The following SNED1 variants were observed in gnomAD, a reference collection of about 807,000 sequenced individuals.
SNED1 encodes sushi, nidogen and EGF-like domain-containing protein 1.
A neutral mutation model predicts 166.7 loss-of-function variants in SNED1; 81 were observed. The observed-to-expected ratio is 0.49, with a 90% CI of 0.41 to 0.58. The LOEUF is 0.58. Among genes scored for constraint, SNED1 ranks in the 20% least tolerant of loss-of-function variants. The probability of loss-of-function intolerance (pLI) is 0.00; values close to 1 mark genes in which losing one functional copy is unlikely to be tolerated. For missense variants in SNED1, 1,604 were observed against 2,000.2 expected, an observed-to-expected ratio of 0.80 and a Z score of 3.78; for synonymous variants, 762 against 822.0, an observed-to-expected ratio of 0.93 and a Z score of 1.25.
intron 8 of SNED1, among the ~76,000 whole-genome samples, chr2:241,045,505 T>C (rs2061622104): frequency 6.6e-6 from 1 of 152,086 alleles, no homozygotes; most frequent in South Asian, 2.1e-4. Context: ...CAAACAAATA[T>C]AGCCAATTAA....
chr2:241,044,376 A>G (rs542696812), intron 8 of SNED1, among the ~76,000 whole-genome samples: 7 of 152,364 alleles, frequency 4.6e-5, no homozygotes, highest in African/African-American at 1.7e-4. Flanking sequence ...TGAAAAAGAT[A>G]GAGTAAGCAC....
At chr2:241,089,442 C>T (rs563633880) in intron 31 of SNED1, 1 of 1,546,552 alleles carries the variant, frequency 6.5e-7, no homozygotes, top group South Asian at 1.2e-5. Context: ...CAGATATAGG[C>T]TCACACACAC....
chr2:241,020,610 G>A (rs1404213930), intron 1 of SNED1, among the ~76,000 whole-genome samples: 1 of 152,164 alleles, frequency 6.6e-6, no homozygotes, highest in Non-Finnish European at 1.5e-5. Flanking sequence ...GCCCTTATGT[G>A]ATCAAGTTTA....
At chr2:241,074,460 T>C (rs1419720802) in intron 27 of SNED1, 1 of 152,108 alleles carries the variant, frequency 6.6e-6, no homozygotes, top group Non-Finnish European at 1.5e-5. Context: ...AACAAACATT[T>C]CATCAGATGA....
intron 16 of SNED1, among the ~76,000 whole-genome samples, chr2:241,058,615 A>G (rs1447547353): frequency 6.6e-6 from 1 of 152,254 alleles, no homozygotes; most frequent in Non-Finnish European, 1.5e-5. Context: ...AGACAGATAC[A>G]GAGAAAGATC....
At chr2:241,004,457 TTTC>T (rs990522355) in intron 1 of SNED1, among the ~76,000 whole-genome samples, 4 of 152,168 alleles carry the variant, frequency 2.6e-5, no homozygotes, top group African/African-American at 7.2e-5. Context: ...TTCTCTATAG[TTTC>T]TTCTTTTGGA....
rs1260048595 is a variant in SNED1 at position 241,064,811 on chromosome 2, C to T, written c.2600-33C>T. On this transcript the variant is annotated intron_variant, in intron 19 of 31. Coordinates refer to ENST00000310397, the MANE Select transcript of SNED1 (RefSeq NM_001080437.3). This position sits in a 1 kb window ranked among gnomAD's most constrained non-coding sequence, Gnocchi z 7.0. ...CTGGAGCAGGGACCCCTGGCCACGC[C>T]CCAACATACACTGCCACTTTTTCTC... 5.3e-6 allele frequency: 8 copies of T among 1,496,764 alleles called. No homozygotes were observed. The highest frequency in any genetic ancestry group is 7.2e-6 in the Non-Finnish European group (8 of 1,112,120). 92.7% of individuals were successfully genotyped at this position (1,496,764 alleles called of 1,614,324 possible). A position where few individuals can be genotyped will look rare whatever the true frequency, so the allele number is the denominator to read the frequency against.
At chr2:241,031,642 C>G (rs1036235854) in intron 2 of SNED1, among the ~76,000 whole-genome samples, 1 of 152,220 alleles carries the variant, frequency 6.6e-6, no homozygotes, top group African/African-American at 2.4e-5. Context: ...CTCCTCATTG[C>G]GCCTCTCGGC....
chr2:241,070,371 C>A (rs1028483749), intron 24 of SNED1, among the ~76,000 whole-genome samples, 170 bp downstream of exon 24: 1 of 152,186 alleles, frequency 6.6e-6, no homozygotes, highest in Admixed American at 6.5e-5. Flanking sequence ...CTTTTCAAAC[C>A]CACAAGGAAA....
intron 20 of SNED1, 140 bp from the exon 21 acceptor site, chr2:241,065,159 C>A: frequency 1.1e-6 from 1 of 924,444 alleles, no homozygotes; most frequent in Non-Finnish European, 1.6e-6. Context: ...AGGTACGTGG[C>A]CAGGGACAAA....
Position 241,064,345 on chromosome 2 carries a change from C to T in SNED1, c.2599+220C>T, listed in dbSNP as rs1168616595. Among the ~76,000 whole-genome samples the T allele has an allele frequency of 6.6e-6, 1 of 152,010 alleles. No individual in the cohort carries two copies. The highest frequency in any genetic ancestry group is 2.4e-5 in the African/African-American group (1 of 41,374). On this transcript the variant is annotated intron_variant, in intron 19 of 31. Transcript: ENST00000310397. The surrounding 1 kb of genome is among the most constrained non-coding windows in gnomAD (Gnocchi z 7.0). The stretch of plus-strand genomic sequence containing the variant: ...CTTCTAAACCTCCCCATCTCCTGCG[C>T]TCACCCCCCAGACACCCCTCTTCAC...
intron 1 of SNED1, among the ~76,000 whole-genome samples, chr2:241,003,124 C>G (rs1342731642): frequency 6.6e-6 from 1 of 151,322 alleles, no homozygotes; most frequent in Non-Finnish European, 1.5e-5. Flanking sequence ...CCGCCCTCCC[C>G]CGGGCCCCCC....
intron 26 of SNED1, chr2:241,072,555 C>G (rs115679838): frequency 2.9e-5 from 9 of 305,450 alleles, no homozygotes; most frequent in African/African-American, 8.9e-5. Flanking sequence ...GTTTAATGAA[C>G]ACGCTCTGAG....
intron 22 of SNED1, 45 bp downstream of exon 22, chr2:241,067,992 G>A (rs761029558): frequency 3.2e-6 from 5 of 1,551,162 alleles, no homozygotes; most frequent in Non-Finnish European, 4.4e-6. Context: ...GAAGGCAGGG[G>A]TGGGGGCTCG....
chr2:241,013,761 A>C lies in SNED1; in HGVS notation c.213+14711A>C, dbSNP rs189816269. ...AAATGGCAGGATCCCTCTCTTTGTC[A>C]TGGCTGAATAATATTCCCTTGTGTG... is the stretch of plus-strand genomic sequence containing the variant. On this transcript the variant is annotated intron_variant, in intron 1 of 31. Coordinates refer to ENST00000310397, the MANE Select transcript of SNED1 (RefSeq NM_001080437.3). The surrounding 1 kb of genome is among the most constrained non-coding windows in gnomAD (Gnocchi z 4.6). 1.4e-4 allele frequency among the ~76,000 whole-genome samples: 22 copies of C among 152,300 alleles called. No individual in the cohort carries two copies. In the East Asian group the frequency reaches 2.9e-3, roughly 20 times the overall value.
chr2:241,052,041 G>A lies in SNED1; in HGVS notation c.1853G>A (p.Gly618Glu). The A allele has an allele frequency of 6.2e-7, 1 of 1,612,986 alleles. No homozygotes were observed. Among genetic ancestry groups the A allele is most frequent in the Non-Finnish European group, 8.5e-7 (1 of 1,179,130 alleles). ...ACCCTGACCTGGCTTCTGTTTCCAG[G>A]GAAGCCAGACTCGTGTGCCTCTGGC... ...YRFTGRHCEIGKPDSCASGPC... is the reference protein window; with the variant it reads ...YRFTGRHCEIEKPDSCASGPC... The change falls in exon 14 of 32, where the codon GGG (glycine) becomes GAG (glutamate). Residue 618 changes from glycine to glutamate, a missense_variant and splice_region_variant. This residue lies in a region of SNED1 where 1,237 missense variants were observed against 1,620.8 expected (regional missense o/e 0.76). Transcript: ENST00000310397.
chr2:241,084,369 G>A (rs550449835), intron 29 of SNED1, among the ~76,000 whole-genome samples: 22 of 152,208 alleles, frequency 1.4e-4, no homozygotes, highest in African/African-American at 4.1e-4. Flanking sequence ...GGCCAGGCTG[G>A]TCTCAAACTC....
chr2:241,090,565 G>GC, intron 31 of SNED1: 2 of 1,234,932 alleles, frequency 1.6e-6, no homozygotes, highest in South Asian at 3.9e-5. Flanking sequence ...ACAGGGCAGT[G>GC]CAGTAGGTTT....
chr2:241,089,311 G>T, intron 31 of SNED1: 1 of 1,550,318 alleles, frequency 6.5e-7, no homozygotes, highest in Middle Eastern at 1.7e-4. Flanking sequence ...GCAGATGAGT[G>T]AGGCACCCTT....
Sources: gnomAD v4.1 joint callset for allele counts (sites outside exome capture counted in the v4.1 genomes callset) on GRCh38, gnomAD v4.1.1 for gene constraint, gnomAD v4.1.1 regional missense constraint, Gnocchi (gnomAD v3.1) non-coding constraint, MANE v1.5 for transcripts, NCBI Gene and HGNC (gene_info 2026-07-23, HGNC 2026-07-21) for gene names.